EXT1: variants seen among roughly 807,000 people sequenced by gnomAD.
EXT1 encodes exostosin glycosyltransferase 1, also known as exostosin-1.
A neutral mutation model predicts 82.5 loss-of-function variants in EXT1; 20 were observed. The observed-to-expected ratio is 0.24, with a 90% CI of 0.17 to 0.35. EXT1 has a LOEUF of 0.35. Ranked by LOEUF, EXT1 falls within the 10% of genes least tolerant of loss-of-function variation. EXT1 has a pLI of 1.00. For missense variants in EXT1, 757 were observed against 936.5 expected (o/e 0.81, Z 2.50); for synonymous variants, 348 against 350.8 (o/e 0.99, Z 0.09).
intron 1 of EXT1, among the ~76,000 whole-genome samples, chr8:117,863,418 T>TC (rs1406894519): frequency 9.0e-6 from 1 of 111,308 alleles, no homozygotes; most frequent in African/African-American, 2.6e-5. Flanking sequence ...TAGGTTTTTT[T>TC]TTTTTTTTGG....
chr8:118,074,096 G>A (rs1230765833), intron 1 of EXT1, among the ~76,000 whole-genome samples: 1 of 151,914 alleles, frequency 6.6e-6, no homozygotes, highest in Non-Finnish European at 1.5e-5. Flanking sequence ...GGGTGGGAGT[G>A]GGGGTGAGGG....
intron 1 of EXT1, among the ~76,000 whole-genome samples, chr8:118,095,098 C>T (rs1321480477): frequency 6.6e-6 from 1 of 152,120 alleles, no homozygotes; most frequent in African/African-American, 2.4e-5. Flanking sequence ...AAAACTGAGG[C>T]CCAAAGAGGT....
chr8:117,828,053 A>G (rs17430175), intron 4 of EXT1, among the ~76,000 whole-genome samples: 13,531 of 152,058 alleles, frequency 0.089, 760 homozygotes, highest in African/African-American at 0.16. Context: ...ATGTAATAAC[A>G]TGAGAAAATA....
intron 1 of EXT1, among the ~76,000 whole-genome samples, chr8:118,089,338 G>A (rs927602957): frequency 2.6e-5 from 4 of 152,114 alleles, no homozygotes; most frequent in African/African-American, 7.2e-5. Flanking sequence ...TAAACTAATC[G>A]AAGGAGCATT....
In EXT1 at chr8:118,071,808, T is replaced by C. The variant is rs181104567; in HGVS notation, c.962+38277A>G. Among the ~76,000 whole-genome samples, 13 of 152,250 alleles carry C rather than the reference T, an allele frequency of 8.5e-5. No homozygotes were observed. In the East Asian group the frequency reaches 2.5e-3, roughly 29 times the overall value. On this transcript the variant is annotated intron_variant, in intron 1 of 10. Coordinates refer to ENST00000378204, the MANE Select transcript of EXT1 (RefSeq NM_000127.3). ...TCTCTTTAGGTAGAGAATATGATAA[T>C]GATATTGTTATTTTTAATAAACAAC... is the stretch of plus-strand genomic sequence containing the variant.
chr8:118,099,807 C>T (rs1471246323), intron 1 of EXT1, among the ~76,000 whole-genome samples: 1 of 152,188 alleles, frequency 6.6e-6, no homozygotes, highest in East Asian at 1.9e-4. Flanking sequence ...ATAGGATGCC[C>T]TCAGATATGA....
At chr8:118,022,635 G>GC (rs1816128583) in intron 1 of EXT1, among the ~76,000 whole-genome samples, 1 of 149,344 alleles carries the variant, frequency 6.7e-6, no homozygotes, top group Admixed American at 6.7e-5. Flanking sequence ...ACCACGCCTG[G>GC]CCCAAAAAAA....
At chr8:117,909,131 C>A (rs910726570) in intron 1 of EXT1, among the ~76,000 whole-genome samples, 14 of 147,708 alleles carry the variant, frequency 9.5e-5, no homozygotes, top group East Asian at 2.0e-4. Flanking sequence ...GACTCTGTCT[C>A]AAAAAAAAAA....
chr8:117,902,527 A>G (rs1813468701), intron 1 of EXT1, among the ~76,000 whole-genome samples: 1 of 152,190 alleles, frequency 6.6e-6, no homozygotes, highest in Non-Finnish European at 1.5e-5. Flanking sequence ...TTCCATTAAG[A>G]TCTTATAAGC....
At chr8:117,852,966 A>G (rs1162049933) in intron 1 of EXT1, among the ~76,000 whole-genome samples, 1 of 152,170 alleles carries the variant, frequency 6.6e-6, no homozygotes, top group East Asian at 1.9e-4. Context: ...GAGAGCACAC[A>G]TGGTAGAGGA....
chr8:118,109,447 ATG>A lies in EXT1; in HGVS notation c.962+636_962+637del, dbSNP rs1563659023. On this transcript the variant is annotated intron_variant, in intron 1 of 10. Coordinates refer to ENST00000378204, the MANE Select transcript of EXT1 (RefSeq NM_000127.3). ...AATAAATGAATGAATGAATGAATGC[ATG>A]CATGCATGCATGCATGCAAAGCCAC... 4.2e-3 allele frequency among the ~76,000 whole-genome samples: 119 copies of A among 28,052 alleles called. 1 individual carries two copies. Among genetic ancestry groups the A allele is most frequent in the African/African-American group, 9.7e-3 (118 of 12,166 alleles). 18.4% of individuals were successfully genotyped at this position (28,052 alleles called of 152,430 possible). A position where few individuals can be genotyped will look rare whatever the true frequency, so the allele number is the denominator to read the frequency against.
In EXT1 at chr8:117,862,042, A is replaced by G. The variant is rs990967760; in HGVS notation, c.963-24841T>C. Among the ~76,000 whole-genome samples the G allele has an allele frequency of 8.9e-5, 13 of 146,096 alleles. 2 individuals are homozygous for G. The highest frequency in any genetic ancestry group is 8.3e-4 in the Admixed American group (12 of 14,386). On this transcript the variant is annotated intron_variant, in intron 1 of 10. Coordinates refer to ENST00000378204, the MANE Select transcript of EXT1 (RefSeq NM_000127.3). ...AAACCCACACAAAAGAATTTGTACG[A>G]CACTGATGAAAATTTAGACACTAGA...
intron 8 of EXT1, among the ~76,000 whole-genome samples, chr8:117,811,063 C>T (rs993758491): frequency 1.3e-4 from 20 of 152,290 alleles, no homozygotes; most frequent in African/African-American, 4.1e-4. Flanking sequence ...TCATTACTCA[C>T]CAGGTGCCTC....
At position 118,073,651 on chromosome 8, in the gene EXT1, A is replaced by AGAG. The variant is rs1817144860; in HGVS notation, c.962+36431_962+36433dup. Among the ~76,000 whole-genome samples the AGAG allele has an allele frequency of 1.6e-5, 2 of 126,660 alleles. 1 individual carries two copies. The highest frequency in any genetic ancestry group is 5.9e-5 in the African/African-American group (2 of 33,866). 83.1% of individuals were successfully genotyped at this position (126,660 alleles called of 152,430 possible). On this transcript the variant is annotated intron_variant, in intron 1 of 10. Coordinates refer to ENST00000378204, the MANE Select transcript of EXT1 (RefSeq NM_000127.3). Reference sequence around the variant, plus strand: ...AAGAGAAAGAAGAGAAGAGAAGAGAAGAGAAGAGAAGAGAAGAGAAGAGAA... The same window carrying AGAG: ...AAGAGAAAGAAGAGAAGAGAAGAGAAGAGGAGAAGAGAAGAGAAGAGAAGAGAA...
intron 1 of EXT1, among the ~76,000 whole-genome samples, chr8:118,045,649 G>C (rs554591021): frequency 6.6e-6 from 1 of 151,898 alleles, no homozygotes. Context: ...AAGACTAGAA[G>C]CTTCCATCAC....
chr8:117,797,637 A>G lies in EXT1; in HGVS notation c.*2075T>C, dbSNP rs1191836744. On this transcript the variant is annotated 3_prime_UTR_variant, in exon 11 of 11. Coordinates refer to ENST00000378204, the MANE Select transcript of EXT1 (RefSeq NM_000127.3). Reference sequence around the variant, plus strand: ...TTAAATACAAATTCACAAAGGCCAAATGAATAAAGATTAACTGCTAATCTT... The same window carrying G: ...TTAAATACAAATTCACAAAGGCCAAGTGAATAAAGATTAACTGCTAATCTT... The G allele has an allele frequency of 6.6e-6, 1 of 152,260 alleles. No individual in the cohort carries two copies. Among genetic ancestry groups the G allele is most frequent in the African/African-American group, 2.4e-5 (1 of 41,468 alleles). 9.4% of individuals were successfully genotyped at this position (152,260 alleles called of 1,614,324 possible).
Position 117,889,931 on chromosome 8 carries a change from T to C in EXT1, c.963-52730A>G, listed in dbSNP as rs116618553. ...CCTATAGCTGGGTTCTGGCACACAA[T>C]GTACAGTTTTTATATGAAAAAAATG... On this transcript the variant is annotated intron_variant, in intron 1 of 10. Transcript: ENST00000378204. Among the ~76,000 whole-genome samples the C allele has an allele frequency of 3.3e-4, 50 of 152,300 alleles. 1 individual carries two copies. Among genetic ancestry groups the C allele is most frequent in the African/African-American group, 1.1e-3 (45 of 41,572 alleles).
intron 1 of EXT1, among the ~76,000 whole-genome samples, chr8:117,908,042 G>A (rs940580855): frequency 2.0e-5 from 3 of 152,148 alleles, no homozygotes; most frequent in Non-Finnish European, 2.9e-5. Flanking sequence ...AGGATCTAAA[G>A]TTTAAAGAAA....
intron 1 of EXT1, among the ~76,000 whole-genome samples, chr8:117,865,308 C>G (rs1299955791): frequency 1.3e-5 from 2 of 152,182 alleles, no homozygotes; most frequent in Non-Finnish European, 2.9e-5. Context: ...GCTGGGACTA[C>G]AGGTCTGCAC....
Sources: gnomAD v4.1 joint callset for allele counts (sites outside exome capture counted in the v4.1 genomes callset) on GRCh38, gnomAD v4.1.1 for gene constraint, MANE v1.5 for transcripts, NCBI Gene and HGNC (gene_info 2026-07-23, HGNC 2026-07-21) for gene names.